DIPK1A: variants seen among roughly 807,000 people sequenced by gnomAD.
DIPK1A encodes family with sequence similarity 69 member A.
DIPK1A carries 27 observed loss-of-function variants against 40.8 expected under a neutral mutation model. The observed-to-expected ratio is 0.66, with a 90% CI of 0.49 to 0.91. The LOEUF (loss-of-function observed/expected upper bound fraction) is 0.91, where lower values mean the gene tolerates loss of function less well. Among genes scored for constraint, DIPK1A ranks in the 40% least tolerant of loss-of-function variants. DIPK1A has a pLI of 0.00. For synonymous variants in DIPK1A, 166 were observed against 171.3 expected, an observed-to-expected ratio of 0.97 and a Z score of 0.24; for missense variants, 412 against 505.7, an observed-to-expected ratio of 0.81 and a Z score of 1.78.
intron 1 of DIPK1A, chr1:92,933,557 C>T (rs899642485): frequency 4.6e-5 from 7 of 151,946 alleles, no homozygotes; most frequent in Non-Finnish European, 8.8e-5. Flanking sequence ...AGAAAACTGC[C>T]CAATCTAACA....
At chr1:92,840,188 T>A (rs907273280), downstream of DIPK1A, 5 of 255,726 alleles carry the variant, frequency 2.0e-5, no homozygotes, top group Admixed American at 2.6e-4. Context: ...CTAATTAGTT[T>A]TTTTATGGAG....
chr1:92,842,194 AGAT>A lies in DIPK1A; in HGVS notation c.*1186_*1188del. 4.9e-6 allele frequency: 5 copies of A among 1,011,944 alleles called. No individual in the cohort carries two copies. Among genetic ancestry groups the A allele is most frequent in the African/African-American group, 1.7e-5 (1 of 58,020 alleles). 62.7% of individuals were successfully genotyped at this position (1,011,944 alleles called of 1,614,324 possible). A position where few individuals can be genotyped will look rare whatever the true frequency, so the allele number is the denominator to read the frequency against. Reference sequence around the variant, plus strand: ...TTTCTTCCATCCATTTATTATAACCAGATGATGAATGGGAAAAGTACCTTAAAG... The same window carrying A: ...TTTCTTCCATCCATTTATTATAACCAGATGAATGGGAAAAGTACCTTAAAG... On this transcript the variant is annotated 3_prime_UTR_variant, in exon 5 of 5. Transcript: ENST00000370310.
rs397980826 is a variant in DIPK1A, at chr1:92,928,976, G to GA, written c.54+32399dup. 2.2e-5 allele frequency among the ~76,000 whole-genome samples: 3 copies of GA among 134,696 alleles called. No individual in the cohort carries two copies. In the East Asian group the frequency reaches 5.9e-4, roughly 26 times the overall value. 88.4% of individuals were successfully genotyped at this position (134,696 alleles called of 152,430 possible). A position where few individuals can be genotyped will look rare whatever the true frequency, so the allele number is the denominator to read the frequency against. Reference sequence around the variant, plus strand: ...GACTCCATCTCAAAGAAAAAAAAAAGAAAAAAAGAAAAAATTTCTCTTTCT... The same window carrying GA: ...GACTCCATCTCAAAGAAAAAAAAAAGAAAAAAAAGAAAAAATTTCTCTTTCT... On this transcript the variant is annotated intron_variant, in intron 1 of 4. Transcript: ENST00000370310.
intron 1 of DIPK1A, among the ~76,000 whole-genome samples, chr1:92,946,025 T>C (rs919321483): frequency 6.6e-6 from 1 of 152,200 alleles, no homozygotes; most frequent in Non-Finnish European, 1.5e-5. Flanking sequence ...GACTTTTTAA[T>C]AGGGAATTTA....
At chr1:92,951,789 T>G (rs1651642560) in intron 1 of DIPK1A, among the ~76,000 whole-genome samples, 1 of 152,100 alleles carries the variant, frequency 6.6e-6, no homozygotes, top group South Asian at 2.1e-4. Context: ...TGAAAATGTT[T>G]AAACCTACAG....
chr1:92,948,921 C>G (rs201657849), intron 1 of DIPK1A, among the ~76,000 whole-genome samples: 7 of 151,266 alleles, frequency 4.6e-5, no homozygotes, highest in Non-Finnish European at 8.8e-5. Context: ...TCTCCTGCCT[C>G]AGCCTCACAA....
intron 1 of DIPK1A, chr1:92,933,538 A>T (rs1650840165): frequency 6.6e-6 from 1 of 152,210 alleles, no homozygotes; most frequent in African/African-American, 2.4e-5. Context: ...GTTTCTTAAA[A>T]AAAGGAAAAG....
chr1:92,870,501 C>G (rs1022365395), intron 2 of DIPK1A, among the ~76,000 whole-genome samples: 3 of 152,246 alleles, frequency 2.0e-5, no homozygotes, highest in Non-Finnish European at 4.4e-5. Context: ...GCTGGGATTA[C>G]AGGCGTGAGC....
intron 1 of DIPK1A, among the ~76,000 whole-genome samples, chr1:92,960,229 C>G (rs1032108848): frequency 1.2e-4 from 18 of 152,164 alleles, no homozygotes; most frequent in South Asian, 2.1e-4. Context: ...TCAAATCATG[C>G]TTCCAATTTG....
At chr1:92,835,295 C>T (rs1419266748) in intron 4 of DIPK1A, 4 of 328,666 alleles carry the variant, frequency 1.2e-5, no homozygotes, top group Non-Finnish European at 2.4e-5. Flanking sequence ...GGGAACTCCA[C>T]TCTAGACCTT....
At chr1:92,864,665 T>C (rs1037152026) in intron 2 of DIPK1A, among the ~76,000 whole-genome samples, 1 of 152,156 alleles carries the variant, frequency 6.6e-6, no homozygotes, top group Non-Finnish European at 1.5e-5. Flanking sequence ...AAAATTTCTT[T>C]ATGGGTAGAC....
intron 2 of DIPK1A, among the ~76,000 whole-genome samples, chr1:92,862,501 C>T (rs1647324089): frequency 1.3e-5 from 2 of 152,178 alleles, no homozygotes; most frequent in Admixed American, 6.5e-5. Context: ...TGTTTCATCC[C>T]TTCCATTCCC....
At chr1:92,881,495 T>C (rs995565138) in intron 1 of DIPK1A, among the ~76,000 whole-genome samples, 1 of 152,174 alleles carries the variant, frequency 6.6e-6, no homozygotes, top group Non-Finnish European at 1.5e-5. Context: ...TTTGATTTTA[T>C]GAAAACTCTA....
At position 92,894,923 on chromosome 1, in the gene DIPK1A, C is replaced by T. The variant is rs535013562; in HGVS notation, c.55-18493G>A. ...ATCTGGAAGAAATGGATAAATTCCTCGACACATACACCCTCCCAAGACTAA... is the reference window on the plus strand; with the variant it reads ...ATCTGGAAGAAATGGATAAATTCCTTGACACATACACCCTCCCAAGACTAA... On this transcript the variant is annotated intron_variant, in intron 1 of 4. Coordinates refer to ENST00000370310, the MANE Select transcript of DIPK1A (RefSeq NM_001006605.5). 2.6e-5 allele frequency among the ~76,000 whole-genome samples: 4 copies of T among 152,060 alleles called. No homozygotes were observed. The East Asian group carries it at 5.8e-4, about 22-fold the overall frequency.
intron 1 of DIPK1A, among the ~76,000 whole-genome samples, chr1:92,921,457 A>G (rs1425300940): frequency 2.0e-5 from 3 of 152,244 alleles, no homozygotes; most frequent in African/African-American, 7.2e-5. Context: ...AGTATAAGGT[A>G]GCATATATAG....
intron 1 of DIPK1A, among the ~76,000 whole-genome samples, chr1:92,895,031 A>G: frequency 6.6e-6 from 1 of 152,068 alleles, no homozygotes; most frequent in Non-Finnish European, 1.5e-5. Context: ...TAACCAAAAA[A>G]AGTCCAGGAC....
intron 1 of DIPK1A, among the ~76,000 whole-genome samples, chr1:92,946,467 G>C (rs1486605375): frequency 6.6e-6 from 1 of 152,164 alleles, no homozygotes; most frequent in Non-Finnish European, 1.5e-5. Context: ...AGTCAAGAAA[G>C]ACTGTCAAAA....
intron 3 of DIPK1A, among the ~76,000 whole-genome samples, chr1:92,847,968 C>A (rs1253120759): frequency 2.6e-5 from 4 of 152,144 alleles, no homozygotes; most frequent in Admixed American, 2.6e-4. Context: ...AACTGCTAGC[C>A]TTAAGTGACC....
intron 3 of DIPK1A, among the ~76,000 whole-genome samples, chr1:92,848,820 A>G (rs1390556509): frequency 6.6e-6 from 1 of 152,224 alleles, no homozygotes; most frequent in Non-Finnish European, 1.5e-5. Flanking sequence ...TGTCTTTAAC[A>G]TGATTAATAC....
Sources: allele counts gnomAD v4.1 joint callset (sites outside exome capture counted in the v4.1 genomes callset), GRCh38; gene constraint gnomAD v4.1.1; transcripts MANE v1.5; gene names NCBI Gene and HGNC (gene_info 2026-07-23, HGNC 2026-07-21).